KNG1: variants seen among roughly 807,000 people sequenced by gnomAD.
KNG1 encodes the protein kininogen-1.
Under a neutral mutation model 47.8 loss-of-function variants are expected in KNG1, and 23 were observed. The ratio of observed to expected loss-of-function variants is 0.48; its 90% CI spans 0.35 to 0.68. The LOEUF (loss-of-function observed/expected upper bound fraction) is 0.68. Among genes scored for constraint, KNG1 ranks in the 30% least tolerant of loss-of-function variants. The pLI, the probability that KNG1 is intolerant of heterozygous loss-of-function variation, is 0.01. For missense variants in KNG1, 762 were observed against 790.2 expected, an observed-to-expected ratio of 0.96 and a Z score of 0.43; for synonymous variants, 277 against 277.0, an observed-to-expected ratio of 1.00 and a Z score of 0.00.
At chr3:186,735,445 C>A (rs1720648035) in intron 7 of KNG1, among the ~76,000 whole-genome samples, 1 of 152,040 alleles carries the variant, frequency 6.6e-6, no homozygotes, top group Non-Finnish European at 1.5e-5. Flanking sequence ...TGGTGAAAAA[C>A]CATCTCTACT....
intron 6 of KNG1, 98 bp downstream of exon 6, chr3:186,731,727 A>G: frequency 1.3e-6 from 1 of 766,122 alleles, no homozygotes; most frequent in East Asian, 2.6e-5. Context: ...TTCCCGTGAT[A>G]TACTCCAAAG....
At chr3:186,731,377 A>AT (rs1396532178) in intron 5 of KNG1, among the ~76,000 whole-genome samples, 168 bp from the exon 6 acceptor site, 1 of 152,082 alleles carries the variant, frequency 6.6e-6, no homozygotes, top group Non-Finnish European at 1.5e-5. Context: ...TATTGATACT[A>AT]TTACCTTAGT....
At chr3:186,740,777 T>C (rs1720789577) in intron 9 of KNG1, among the ~76,000 whole-genome samples, 1 of 152,204 alleles carries the variant, frequency 6.6e-6, no homozygotes, top group East Asian at 1.9e-4. Flanking sequence ...ATTCAGTTCA[T>C]AAAGCCACTT....
At position 186,725,113 on chromosome 3, in the gene KNG1, G is replaced by A. The variant is rs2108622881; in HGVS notation, c.417G>A (p.Gln139=). ...CCGAGGGCCCTGTGGTGACAGCCCA[G>A]TACGACTGCCTCGGCTGTGTGCATC... ...TPAEGPVVTA[Q]YDCLGCVHPI... Residue 139 remains glutamine (Q), a synonymous_variant, in exon 4 of 10, where the codon CAG becomes CAA. Transcript: ENST00000644859. The A allele has an allele frequency of 6.2e-7, 1 of 1,614,136 alleles. No homozygotes were observed. Among genetic ancestry groups the A allele is most frequent in the Non-Finnish European group, 8.5e-7 (1 of 1,180,020 alleles).
intron 4 of KNG1, among the ~76,000 whole-genome samples, chr3:186,726,839 A>G (rs527806412): frequency 2.3e-4 from 35 of 152,256 alleles, no homozygotes; most frequent in African/African-American, 8.2e-4. Context: ...ACTCCCCTCT[A>G]AAGTTTTCTT....
At chr3:186,733,234 G>A (rs1720585460) in intron 7 of KNG1, among the ~76,000 whole-genome samples, 1 of 143,138 alleles carries the variant, frequency 7.0e-6, no homozygotes, top group Non-Finnish European at 1.5e-5. Flanking sequence ...AACAGAGCGA[G>A]ACTCTGTCTA....
chr3:186,727,015 G>GGT (rs112688792), intron 4 of KNG1, among the ~76,000 whole-genome samples: 5,313 of 104,444 alleles, frequency 0.051, 339 homozygotes, highest in African/African-American at 0.15. Flanking sequence ...GATGGCTAGC[G>GGT]GTGTATGTGT....
chr3:186,730,014 TTTCTATTTGTTTG>T (rs145346480), intron 5 of KNG1, among the ~76,000 whole-genome samples: 7,199 of 152,144 alleles, frequency 0.047, 607 homozygotes, highest in African/African-American at 0.16. Context: ...GGCATAGGTC[TTTCTATTTGTTTG>T]TTCTATTTGT....
rs1720558317 is a variant in KNG1, at chr3:186,732,393, G to A, written c.758-109G>A. On this transcript the variant is annotated intron_variant, in intron 6 of 9. Coordinates refer to ENST00000644859, the MANE Select transcript of KNG1 (RefSeq NM_001102416.3). ...TTCCCCCACTCACTACTGGGCCTGG[G>A]CTCCCATGTAGCCCCTTATACATGT... 13 of 1,001,620 alleles carry A rather than the reference G, an allele frequency of 1.3e-5. 1 individual carries two copies. Among genetic ancestry groups the A allele is most frequent in the Middle Eastern group, 2.2e-4 (1 of 4,574 alleles). The allele number at this position is 1,001,620 out of a possible 1,614,324, so 62.0% of individuals were successfully genotyped here. A position where few individuals can be genotyped will look rare whatever the true frequency, so the allele number is the denominator to read the frequency against.
At position 186,722,541 on chromosome 3, in the gene KNG1, G is replaced by A. The variant is rs1054010459; in HGVS notation, c.391+20G>A. ...CTCCAGGTGGCTGGTTTATCCTCTG[G>A]CACTGCCCTGGTGGGAAATTAACCA... On this transcript the variant is annotated intron_variant, in intron 3 of 9. Transcript: ENST00000644859. 6.4e-7 allele frequency: 1 copy of A among 1,572,788 alleles called. No individual in the cohort carries two copies. The highest frequency in any genetic ancestry group is 1.3e-5 in the African/African-American group (1 of 74,190).
intron 6 of KNG1, among the ~76,000 whole-genome samples, 178 bp downstream of exon 6, chr3:186,731,807 C>T (rs142225251): frequency 6.6e-6 from 1 of 152,288 alleles, no homozygotes; most frequent in African/African-American, 2.4e-5. Flanking sequence ...CCCAGTTGTG[C>T]TGCAGCTCAG....
chr3:186,724,036 CA>C (rs1264590222), intron 3 of KNG1, among the ~76,000 whole-genome samples: 1 of 152,174 alleles, frequency 6.6e-6, no homozygotes, highest in African/African-American at 2.4e-5. Flanking sequence ...ACTGCTGCAA[CA>C]AACCTGGGAG....
At chr3:186,732,975 C>T (rs985764732) in intron 7 of KNG1, among the ~76,000 whole-genome samples, 50 of 152,120 alleles carry the variant, frequency 3.3e-4, no homozygotes, top group African/African-American at 9.9e-4. Flanking sequence ...CAGCTGGGCG[C>T]GGTGGCTCAC....
At chr3:186,729,250 T>C (rs1385211753) in intron 5 of KNG1, among the ~76,000 whole-genome samples, 2 of 152,202 alleles carry the variant, frequency 1.3e-5, no homozygotes, top group East Asian at 1.9e-4. Context: ...GCAGCCATTA[T>C]AGAAAATAAT....
Position 186,717,747 on chromosome 3 carries a change from T to G in KNG1, c.195+10T>G. ...TGAAGCCACTAAGACGGTGAGTGAATTGTGTTTAACCTTGAAGTCACTTGG... is the reference window on the plus strand; with the variant it reads ...TGAAGCCACTAAGACGGTGAGTGAAGTGTGTTTAACCTTGAAGTCACTTGG... On this transcript the variant is annotated intron_variant, in intron 1 of 9. Coordinates refer to ENST00000644859, the MANE Select transcript of KNG1 (RefSeq NM_001102416.3). 1 of 1,606,552 alleles carries G rather than the reference T, an allele frequency of 6.2e-7. No individual in the cohort carries two copies. The highest frequency in any genetic ancestry group is 1.7e-4 in the Middle Eastern group (1 of 6,038).
chr3:186,725,693 C>T (rs186831050), intron 4 of KNG1, among the ~76,000 whole-genome samples: 2,518 of 146,872 alleles, frequency 0.017, 32 homozygotes, highest in Middle Eastern at 0.029. Context: ...TACAGGCGCC[C>T]GCCACCACAC....
chr3:186,741,926 CA>C lies in KNG1; in HGVS notation c.1535del (p.Lys512ArgfsTer40). ...GCCACGGAAAACATAAAAATAAAGG[CA>C]AAAAGAATGGAAAGCACAATGGTTG... ...HGHGKHKNKGKKNGKHNGWKT... is the reference protein window; with the variant it reads ...HGHGKHKNKGXKNGKHNGWKT... On this transcript the variant is annotated frameshift_variant, in exon 10 of 10. Transcript: ENST00000644859. LOFTEE classifies it low-confidence loss of function (END_TRUNC). The C allele has an allele frequency of 1.2e-6, 2 of 1,614,084 alleles. No individual in the cohort carries two copies. Among genetic ancestry groups the C allele is most frequent in the Non-Finnish European group, 1.7e-6 (2 of 1,180,006 alleles).
intron 7 of KNG1, among the ~76,000 whole-genome samples, chr3:186,737,358 T>C (rs1036138202): frequency 6.6e-6 from 1 of 152,254 alleles, no homozygotes. Flanking sequence ...TTCTATATCA[T>C]AGTTTTCCCA....
At chr3:186,732,313 T>C (rs1720556316) in intron 6 of KNG1, among the ~76,000 whole-genome samples, 189 bp from the exon 7 acceptor site, 1 of 152,202 alleles carries the variant, frequency 6.6e-6, no homozygotes, top group African/African-American at 2.4e-5. Flanking sequence ...AAGTACACTG[T>C]GCTCTGAGGA....
Sources: allele counts gnomAD v4.1 joint callset (sites outside exome capture counted in the v4.1 genomes callset), GRCh38; gene constraint gnomAD v4.1.1; transcripts MANE v1.5; gene names NCBI Gene and HGNC (gene_info 2026-07-23, HGNC 2026-07-21).